The following CDHR4 variants were observed in gnomAD, a reference collection of about 807,000 sequenced individuals.
CDHR4 encodes cadherin related family member 4, also known as cadherin-related family member 4.
In CDHR4, 89 loss-of-function variants were observed where a neutral mutation model predicts 88.4. That is an observed-to-expected ratio of 1.01 (90% CI 0.85 to 1.20). The LOEUF is 1.20. Ranked by LOEUF, CDHR4 falls within the 50% of genes most tolerant of loss-of-function variation. The pLI is 0.00. For synonymous variants in CDHR4, 368 were observed against 399.2 expected, an observed-to-expected ratio of 0.92 and a Z score of 0.93; for missense variants, 914 against 1,007.2, an observed-to-expected ratio of 0.91 and a Z score of 1.25.
Position 49,795,398 on chromosome 3 carries a change from CA to C in CDHR4, c.848-20del, listed in dbSNP as rs2081255879. ...CCGTCTGCTGCATGGGGTGAGAGAA[CA>C]CAGAGGTCAGGGGTCAGGGAACACA... On this transcript the variant is annotated intron_variant, in intron 7 of 18. Transcript: ENST00000412678. This position sits in a 1 kb window ranked among gnomAD's most constrained non-coding sequence, Gnocchi z 5.4. 1.3e-6 allele frequency: 2 copies of C among 1,548,034 alleles called. No homozygotes were observed. The highest frequency in any genetic ancestry group is 2.0e-5 in the Admixed American group (1 of 50,934).
Position 49,794,669 on chromosome 3 carries a change from T to C in CDHR4, c.1218A>G (p.Gly406=). Residue 406 remains glycine, a synonymous_variant, in exon 10 of 19, where the codon GGA becomes GGG. Coordinates refer to ENST00000412678, the MANE Select transcript of CDHR4 (RefSeq NM_001007540.4). ...VNATLDCDTP[G]ACFQHAASIL... Reference sequence around the variant, plus strand: ...TGGAGGCTGCATGCTGGAAGCAGGCTCCAGGAGTGTCACAGTCCAGTGTGG... The same window carrying C: ...TGGAGGCTGCATGCTGGAAGCAGGCCCCAGGAGTGTCACAGTCCAGTGTGG... 6.4e-7 allele frequency: 1 copy of C among 1,551,350 alleles called. No homozygotes were observed. The highest frequency in any genetic ancestry group is 1.2e-5 in the South Asian group (1 of 84,014).
In CDHR4 at chr3:49,798,602, A is replaced by G. The variant is rs1300739339; in HGVS notation, c.495+224T>C. The G allele has an allele frequency of 1.3e-5, 7 of 540,990 alleles. 1 individual carries two copies. Among genetic ancestry groups the G allele is most frequent in the Admixed American group, 1.1e-4 (3 of 28,284 alleles). 33.5% of individuals were successfully genotyped at this position (540,990 alleles called of 1,614,324 possible). A position where few individuals can be genotyped will look rare whatever the true frequency, so the allele number is the denominator to read the frequency against. ...GACTCCGTCTCAAAAAAAAAAAAAA[A>G]AAAGAACTCAGCCCCTGAGATGTCC... On this transcript the variant is annotated intron_variant, in intron 4 of 18. Coordinates refer to ENST00000412678, the MANE Select transcript of CDHR4 (RefSeq NM_001007540.4).
At position 49,795,355 on chromosome 3, in the gene CDHR4, G is replaced by A. The variant is rs73079003; in HGVS notation, c.872C>T (p.Thr291Met). The A allele has an allele frequency of 0.12, 188,953 of 1,550,864 alleles. 13,109 individuals carry two copies. The highest frequency in any genetic ancestry group is 0.16 in the South Asian group (13,337 of 84,042). ...TGAGGTGCGAGCTAACTCTAGGGGC[G>A]TGGTGGTCCGGACCACACCGTCTGC... ...GRADGVVRTT[T>M]PLELARTSGT... Residue 291 changes from threonine to methionine, a missense_variant, in exon 8 of 19, where the codon ACG (threonine) becomes ATG (methionine). Coordinates refer to ENST00000412678, the MANE Select transcript of CDHR4 (RefSeq NM_001007540.4). This position sits in a 1 kb window ranked among gnomAD's most constrained non-coding sequence, Gnocchi z 5.4.
intron 10 of CDHR4, 58 bp from the exon 11 acceptor site, chr3:49,794,064 G>A: frequency 6.7e-7 from 1 of 1,503,380 alleles, no homozygotes; most frequent in Non-Finnish European, 9.0e-7. Flanking sequence ...TGAACTGGGG[G>A]TCTGAGGAGG....
At chr3:49,792,153 C>A (rs1016807417) in intron 15 of CDHR4, among the ~76,000 whole-genome samples, 194 bp from the exon 16 acceptor site, 2 of 152,192 alleles carry the variant, frequency 1.3e-5, no homozygotes, top group Non-Finnish European at 2.9e-5. Context: ...AGCAGGAAAG[C>A]TTTCCAGTGG....
At chr3:49,799,484 A>G in intron 1 of CDHR4, 47 bp from the exon 2 acceptor site, 1 of 1,526,966 alleles carries the variant, frequency 6.5e-7, no homozygotes. Context: ...GGCTGATGGA[A>G]CCACACATAC....
At chr3:49,794,074 G>A (rs1034656512) in intron 10 of CDHR4, 68 bp from the exon 11 acceptor site, 113 of 1,467,904 alleles carry the variant, frequency 7.7e-5, no homozygotes, top group Non-Finnish European at 9.3e-5. Flanking sequence ...GTCTGAGGAG[G>A]GAGACAGGGC....
rs2081219987 is a variant in CDHR4, at chr3:49,793,713, T to C, written c.1493A>G (p.His498Arg). The C allele has an allele frequency of 5.2e-6, 8 of 1,551,524 alleles. No individual in the cohort carries two copies. The highest frequency in any genetic ancestry group is 6.1e-6 in the Non-Finnish European group (7 of 1,146,956). The stretch of plus-strand genomic sequence containing the variant: ...CTCATAGTCCAAAGGTCCCAGGAGG[T>C]GAACTTCCCCTAGAGGGGGAGACCA... ...FAVDRLSGEV[H>R]LLGPLDYEQQ... The change falls in exon 12 of 19, where the codon CAC becomes CGC. Residue 498 changes from histidine to arginine, a missense_variant. Coordinates refer to ENST00000412678, the MANE Select transcript of CDHR4 (RefSeq NM_001007540.4).
intron 9 of CDHR4, 97 bp from the exon 10 acceptor site, chr3:49,794,798 G>T: frequency 1.4e-6 from 2 of 1,417,958 alleles, no homozygotes; most frequent in Non-Finnish European, 1.9e-6. Context: ...CAAATATCTT[G>T]CCTGGATCCT....
In CDHR4 at chr3:49,793,685, C is replaced by T. The variant is rs1234930054; in HGVS notation, c.1521G>A (p.Gln507=). ...VHLLGPLDYE[Q]QRLYRLTVLV... The stretch of plus-strand genomic sequence containing the variant: ...GGACAGTGAGCCTGTACAGCCTCTG[C>T]TGCTCATAGTCCAAAGGTCCCAGGA... Residue 507 remains glutamine (Q), a synonymous_variant, in exon 12 of 19, where the codon CAG becomes CAA. Coordinates refer to ENST00000412678, the MANE Select transcript of CDHR4 (RefSeq NM_001007540.4). 1 of 1,551,776 alleles carries T rather than the reference C, an allele frequency of 6.4e-7. No individual in the cohort carries two copies. Among genetic ancestry groups the T allele is most frequent in the South Asian group, 1.2e-5 (1 of 84,068 alleles).
At chr3:49,794,552 A>G in intron 10 of CDHR4, 56 bp downstream of exon 10, 9 of 1,372,966 alleles carry the variant, frequency 6.6e-6, no homozygotes, top group Non-Finnish European at 9.0e-6. Context: ...GAGCATGGGA[A>G]GCGGGAGGAC....
chr3:49,800,097 G>A (rs555087260), upstream of CDHR4, among the ~76,000 whole-genome samples: 12 of 152,290 alleles, frequency 7.9e-5, no homozygotes, highest in Non-Finnish European at 1.0e-4. Context: ...CATGCAATCC[G>A]TGGAGATAGA....
At chr3:49,794,062 G>T (rs558652019) in intron 10 of CDHR4, 56 bp from the exon 11 acceptor site, 5 of 1,516,280 alleles carry the variant, frequency 3.3e-6, no homozygotes, top group Admixed American at 2.0e-5. Flanking sequence ...CCTGAACTGG[G>T]GGTCTGAGGA....
At position 49,795,836 on chromosome 3, in the gene CDHR4, G is replaced by A; in HGVS notation, c.711-72C>T. ...TGTGGGTCCACAGCTTCCTTCCCTG[G>A]GCCCCCTCCTGTCAGGGCTGGGACT... On this transcript the variant is annotated intron_variant, in intron 6 of 18. Transcript: ENST00000412678. The surrounding 1 kb of genome is among the most constrained non-coding windows in gnomAD (Gnocchi z 5.4). 1 of 1,537,278 alleles carries A rather than the reference G, an allele frequency of 6.5e-7. No homozygotes were observed. The highest frequency in any genetic ancestry group is 1.2e-5 in the South Asian group (1 of 81,698).
chr3:49,799,349 G>C lies in CDHR4; in HGVS notation c.138C>G (p.Ser46=). ...VLQFLSFNCS[S]YTPTPTLELL... ...ACTCCAGGGTGGGTGTGGGCGTGTA[G>C]GAGGAGCAGTTGAAGGATAAAAACT... The change falls in exon 2 of 19, where the codon TCC becomes TCG. Residue 46 remains serine (S), a synonymous_variant. Coordinates refer to ENST00000412678, the MANE Select transcript of CDHR4 (RefSeq NM_001007540.4). 1 of 1,613,576 alleles carries C rather than the reference G, an allele frequency of 6.2e-7. No individual in the cohort carries two copies. Among genetic ancestry groups the C allele is most frequent in the Non-Finnish European group, 8.5e-7 (1 of 1,179,726 alleles).
chr3:49,799,023 A>T lies in CDHR4; in HGVS notation c.374T>A (p.Ile125Asn). The T allele has an allele frequency of 6.2e-7, 1 of 1,607,204 alleles. No homozygotes were observed. Residue 125 changes from isoleucine (I) to asparagine (N), a missense_variant, in exon 3 of 19, where the codon ATC (isoleucine) becomes AAC (asparagine). Ile to Asn is a moderately radical substitution (Grantham distance 149). Transcript: ENST00000412678. ...SVDVQRDLSH[I>N]QCAGQFASPA... Reference sequence around the variant, plus strand: ...GCTGGCAAATTGACCAGCACACTGGATATGGCTAAGGTCCCGCTGCACATC... The same window carrying T: ...GCTGGCAAATTGACCAGCACACTGGTTATGGCTAAGGTCCCGCTGCACATC...
At position 49,799,831 on chromosome 3, in the gene CDHR4, A is replaced by G; in HGVS notation, c.-19T>C. 1 of 1,613,760 alleles carries G rather than the reference A, an allele frequency of 6.2e-7. No individual in the cohort carries two copies. ...GCACCATGATGACCTGAAGACACAG[A>G]CAGCAGAGGAGGCTTCAGAAAGCTA... is the stretch of plus-strand genomic sequence containing the variant. On this transcript the variant is annotated 5_prime_UTR_variant, in exon 1 of 19. Transcript: ENST00000412678.
upstream of CDHR4, chr3:49,799,929 C>G (rs2081338411): frequency 4.1e-6 from 4 of 968,618 alleles, no homozygotes; most frequent in Non-Finnish European, 6.3e-6. Flanking sequence ...ACTCCTGGGC[C>G]TCCCAGATTC....
chr3:49,801,378 G>C (rs2081359065), upstream of CDHR4, among the ~76,000 whole-genome samples: 1 of 152,168 alleles, frequency 6.6e-6, no homozygotes, highest in African/African-American at 2.4e-5. Flanking sequence ...AGTCCCGATT[G>C]CTGTCTCCCT....
Sources: allele counts gnomAD v4.1 joint callset (sites outside exome capture counted in the v4.1 genomes callset), GRCh38; gene constraint gnomAD v4.1.1; non-coding constraint Gnocchi (gnomAD v3.1); transcripts MANE v1.5; gene names NCBI Gene and HGNC (gene_info 2026-07-23, HGNC 2026-07-21).